The following CLIP2 variants were observed in gnomAD, a reference collection of about 807,000 sequenced individuals.
The protein encoded by CLIP2 is CAP-Gly domain-containing linker protein 2.
A neutral mutation model predicts 111.7 loss-of-function variants in CLIP2; 41 were observed. The ratio of observed to expected loss-of-function variants is 0.37; its 90% confidence interval spans 0.29 to 0.48. The LOEUF (loss-of-function observed/expected upper bound fraction) is 0.48. Among genes scored for constraint, CLIP2 ranks in the 20% least tolerant of loss-of-function variants. The probability of loss-of-function intolerance (pLI) is 0.99; values close to 1 mark genes in which losing one functional copy is unlikely to be tolerated. For synonymous variants in CLIP2, 660 were observed against 644.2 expected (o/e 1.02, Z -0.37); for missense variants, 1,160 against 1,422.1 (o/e 0.82, Z 2.96).
chr7:74,341,844 CA>C (rs1584342932), intron 3 of CLIP2, among the ~76,000 whole-genome samples: 1 of 152,166 alleles, frequency 6.6e-6, no homozygotes, highest in Non-Finnish European at 1.5e-5. Flanking sequence ...CCCTGCCCTC[CA>C]GCCATCTCCA....
chr7:74,306,885 C>G (rs571059548), intron 1 of CLIP2, among the ~76,000 whole-genome samples: 1 of 152,176 alleles, frequency 6.6e-6, no homozygotes, highest in Non-Finnish European at 1.5e-5. Context: ...CACAGCCACT[C>G]GGAGAAAGTC....
At chr7:74,396,343 C>G (rs1554316692) in intron 13 of CLIP2, among the ~76,000 whole-genome samples, 1 of 152,120 alleles carries the variant, frequency 6.6e-6, no homozygotes, top group Non-Finnish European at 1.5e-5. Context: ...GGGAGGATCA[C>G]TTGAGGCCAG....
chr7:74,359,259 G>A (rs535570566), intron 6 of CLIP2, among the ~76,000 whole-genome samples: 19 of 149,646 alleles, frequency 1.3e-4, no homozygotes, highest in South Asian at 2.1e-4. Context: ...GTGAGCCACC[G>A]TGCCCGGCCA....
At chr7:74,342,316 C>CTAT (rs1789678971) in intron 3 of CLIP2, among the ~76,000 whole-genome samples, 1 of 151,590 alleles carries the variant, frequency 6.6e-6, no homozygotes, top group Admixed American at 6.6e-5. Flanking sequence ...GCGGAGATTG[C>CTAT]AGAGAGCCGA....
In CLIP2 at chr7:74,338,815, G is replaced by T; in HGVS notation, c.489G>T (p.Ser163=). ...GGAGTGATGCCCACTCCGTGGAGTC[G>T]CTGACTGCCCAGAACCTGTCATTGC... ...GSGSDAHSVE[S]LTAQNLSLHS... Residue 163 remains serine, a synonymous_variant, in exon 3 of 17, where the codon TCG becomes TCT. Transcript: ENST00000223398. The surrounding 1 kb of genome is among the most constrained non-coding windows in gnomAD (Gnocchi z 4.3). The T allele has an allele frequency of 6.2e-7, 1 of 1,611,114 alleles. No homozygotes were observed.
At chr7:74,364,359 G>A in intron 8 of CLIP2, 44 bp downstream of exon 8, 2 of 1,564,344 alleles carry the variant, frequency 1.3e-6, no homozygotes, top group East Asian at 2.3e-5. Flanking sequence ...TAGCACCGGT[G>A]CCTGGCCCTT....
chr7:74,295,073 A>T (rs926725428), intron 1 of CLIP2, among the ~76,000 whole-genome samples: 7 of 151,822 alleles, frequency 4.6e-5, no homozygotes, highest in Non-Finnish European at 1.0e-4. Context: ...CCATCATCCC[A>T]CCTTAGTTAG....
Position 74,353,890 on chromosome 7 carries a change from C to T in CLIP2, c.689C>T (p.Thr230Met). The T allele has an allele frequency of 1.9e-6, 3 of 1,614,168 alleles. No homozygotes were observed. The highest frequency in any genetic ancestry group is 2.5e-6 in the Non-Finnish European group (3 of 1,180,028). ...CCTGTGTGCCGACAGGTTGGCGGGA[C>T]GAAGACTGGCGTGGTGCGGTACGTG... ...RLGDRVLVGG[T>M]KTGVVRYVGE... The change falls in exon 4 of 17, where the codon ACG (threonine) becomes ATG (methionine). Residue 230 changes from threonine (T) to methionine (M), a missense_variant. Coordinates refer to ENST00000223398, the MANE Select transcript of CLIP2 (RefSeq NM_003388.5).
chr7:74,314,179 C>A (rs868971327), intron 1 of CLIP2, among the ~76,000 whole-genome samples: 271 of 123,056 alleles, frequency 2.2e-3, no homozygotes, highest in Admixed American at 2.5e-3. Flanking sequence ...GACTCTGTCT[C>A]AAAAAAAAAA....
chr7:74,295,484 C>T (rs1253136959), intron 1 of CLIP2, among the ~76,000 whole-genome samples: 3 of 152,150 alleles, frequency 2.0e-5, no homozygotes, highest in Non-Finnish European at 2.9e-5. Flanking sequence ...TTTGCCACCT[C>T]GTACCTTTCT....
chr7:74,353,307 C>T (rs57110638), intron 3 of CLIP2, among the ~76,000 whole-genome samples: 1 of 150,484 alleles, frequency 6.6e-6, no homozygotes, highest in Admixed American at 6.7e-5. Flanking sequence ...CTGGAGTGCA[C>T]TGGCGCAATC....
chr7:74,313,144 T>G (rs1398044874), intron 1 of CLIP2, among the ~76,000 whole-genome samples: 1 of 151,686 alleles, frequency 6.6e-6, no homozygotes, highest in Admixed American at 6.6e-5. Flanking sequence ...AGTGAGACCC[T>G]GTCTCTACAA....
intron 8 of CLIP2, among the ~76,000 whole-genome samples, chr7:74,372,402 TG>T (rs1192394907): frequency 0.014 from 489 of 34,420 alleles, 15 homozygotes; most frequent in Middle Eastern, 0.03. Flanking sequence ...GCACAGGCCT[TG>T]GGGGGGGGGG....
At chr7:74,371,687 G>T (rs374806652) in intron 8 of CLIP2, among the ~76,000 whole-genome samples, 4 of 140,064 alleles carry the variant, frequency 2.9e-5, no homozygotes, top group Admixed American at 1.5e-4. Flanking sequence ...AGAGAGACGG[G>T]GGGGAGAAAG....
chr7:74,363,528 T>C (rs1454879674), intron 7 of CLIP2, among the ~76,000 whole-genome samples: 2 of 152,152 alleles, frequency 1.3e-5, no homozygotes, highest in Non-Finnish European at 2.9e-5. Flanking sequence ...ACTTTCCTTC[T>C]CTCCTTTCCT....
chr7:74,386,688 C>A, intron 12 of CLIP2, 84 bp downstream of exon 12: 1 of 1,120,208 alleles, frequency 8.9e-7, no homozygotes, highest in Non-Finnish European at 1.3e-6. Flanking sequence ...TGGAGTGGGT[C>A]AGGGCCTGGC....
chr7:74,344,162 A>T (rs1386513489), intron 3 of CLIP2, among the ~76,000 whole-genome samples: 1 of 152,092 alleles, frequency 6.6e-6, no homozygotes, highest in Admixed American at 6.6e-5. Context: ...CAGGGAGTAG[A>T]TGCTTCTGAC....
intron 11 of CLIP2, among the ~76,000 whole-genome samples, chr7:74,385,862 C>A (rs1177894193): frequency 1.3e-5 from 2 of 151,094 alleles, no homozygotes; most frequent in Non-Finnish European, 1.5e-5. Context: ...CCTGCCTCAA[C>A]CTCCCAAGTA....
intron 11 of CLIP2, among the ~76,000 whole-genome samples, chr7:74,382,239 A>T (rs1419910932): frequency 6.9e-6 from 1 of 144,634 alleles, no homozygotes; most frequent in Non-Finnish European, 1.5e-5. Context: ...ATGCACCACC[A>T]CGCCTGGCTA....
Sources: allele counts gnomAD v4.1 joint callset (sites outside exome capture counted in the v4.1 genomes callset), GRCh38; gene constraint gnomAD v4.1.1; non-coding constraint Gnocchi (gnomAD v3.1); transcripts MANE v1.5; gene names NCBI Gene and HGNC (gene_info 2026-07-23, HGNC 2026-07-21).